The following AP2A2 variants were observed in gnomAD, a reference collection of about 807,000 sequenced individuals.
AP2A2 encodes adaptor related protein complex 2 subunit alpha 2.
Under a neutral mutation model 104.2 loss-of-function variants are expected in AP2A2, and 32 were observed. The ratio of observed to expected loss-of-function variants is 0.31; its 90% CI spans 0.23 to 0.41. The LOEUF (loss-of-function observed/expected upper bound fraction) is 0.41, where lower values mean the gene tolerates loss of function less well. AP2A2 is among the 10% of genes least tolerant of loss of function. AP2A2 has a pLI of 1.00. For missense variants in AP2A2, 912 were observed against 1,261.0 expected, an observed-to-expected ratio of 0.72 and a Z score of 4.19; for synonymous variants, 539 against 533.3, an observed-to-expected ratio of 1.01 and a Z score of -0.15.
intron 5 of AP2A2, among the ~76,000 whole-genome samples, chr11:979,336 C>G (rs1471584475): frequency 6.6e-6 from 1 of 151,514 alleles, no homozygotes; most frequent in Non-Finnish European, 1.5e-5. Context: ...CTTACAAGTT[C>G]TTTATTGGAC....
chr11:948,557 T>C (rs755354279), intron 1 of AP2A2: 1 of 152,192 alleles, frequency 6.6e-6, no homozygotes, highest in Non-Finnish European at 1.5e-5. Context: ...AGTAAATAGA[T>C]TGAATTAATA....
chr11:965,650 C>T (rs1027785350), intron 2 of AP2A2, among the ~76,000 whole-genome samples: 1 of 152,208 alleles, frequency 6.6e-6, no homozygotes, highest in South Asian at 2.1e-4. Flanking sequence ...GCAGGCCCGT[C>T]CAGATCTGAC....
In AP2A2 at chr11:959,520, C is replaced by G; in HGVS notation, c.136+15C>G. On this transcript the variant is annotated intron_variant, in intron 2 of 21. Coordinates refer to ENST00000448903, the MANE Select transcript of AP2A2 (RefSeq NM_012305.4). ...AAAATTTAAAGGTAAGTATGTTTAA[C>G]CTTTTCCATGAAATGTCCTGTTGTA... The G allele has an allele frequency of 6.7e-7, 1 of 1,502,942 alleles. No individual in the cohort carries two copies. The highest frequency in any genetic ancestry group is 9.2e-7 in the Non-Finnish European group (1 of 1,090,886). The allele number at this position is 1,502,942 out of a possible 1,614,324, so 93.1% of individuals were successfully genotyped here.
In AP2A2 at chr11:1,011,410, G is replaced by A. The variant is rs548039988; in HGVS notation, c.*785G>A. On this transcript the variant is annotated 3_prime_UTR_variant, in exon 22 of 22. Coordinates refer to ENST00000448903, the MANE Select transcript of AP2A2 (RefSeq NM_012305.4). ...GTGTGCTCGTCTCTTTCCTGTCAGAGTGGGCGTCCCCAGGCCACGGTGCAG... is the reference window on the plus strand; with the variant it reads ...GTGTGCTCGTCTCTTTCCTGTCAGAATGGGCGTCCCCAGGCCACGGTGCAG... 3 of 511,428 alleles carry A rather than the reference G, an allele frequency of 5.9e-6. No individual in the cohort carries two copies. The highest frequency in any genetic ancestry group is 2.8e-5 in the South Asian group (2 of 70,664). The allele number at this position is 511,428 out of a possible 1,614,324, so 31.7% of individuals were successfully genotyped here.
At chr11:932,451 A>G (rs1227855406) in intron 1 of AP2A2, among the ~76,000 whole-genome samples, 1 of 152,250 alleles carries the variant, frequency 6.6e-6, no homozygotes, top group African/African-American at 2.4e-5. Context: ...CGTGCAGACG[A>G]GTGAAGATCA....
At chr11:928,647 C>T (rs1047173065) in intron 1 of AP2A2, among the ~76,000 whole-genome samples, 2 of 152,238 alleles carry the variant, frequency 1.3e-5, no homozygotes, top group African/African-American at 4.8e-5. Context: ...GACAAATGTG[C>T]CCTTAGGGCA....
At chr11:926,401 G>A (rs1853123346) in intron 1 of AP2A2, among the ~76,000 whole-genome samples, 1 of 151,160 alleles carries the variant, frequency 6.6e-6, no homozygotes, top group African/African-American at 2.4e-5. Context: ...GGGTGTCCAG[G>A]GTCTAGGGGT....
intron 1 of AP2A2, among the ~76,000 whole-genome samples, chr11:938,769 C>T (rs561698867): frequency 9.8e-4 from 149 of 152,078 alleles, no homozygotes; most frequent in African/African-American, 2.3e-3. Flanking sequence ...CCGCTGTGCC[C>T]GGCCCAAATG....
At position 1,011,339 on chromosome 11, in the gene AP2A2, CCAGGA is replaced by C; in HGVS notation, c.*716_*720del. 1.9e-6 allele frequency: 1 copy of C among 518,616 alleles called. No individual in the cohort carries two copies. The highest frequency in any genetic ancestry group is 3.8e-6 in the Non-Finnish European group (1 of 259,778). The allele number at this position is 518,616 out of a possible 1,614,324, so 32.1% of individuals were successfully genotyped here. A position where few individuals can be genotyped will look rare whatever the true frequency, so the allele number is the denominator to read the frequency against. ...GCGTCCTGCCGGCCCCGCAGGGCCC[CCAGGA>C]CTCCAGGGTAAAGTGTGGGCCGGTG... On this transcript the variant is annotated 3_prime_UTR_variant, in exon 22 of 22. Transcript: ENST00000448903.
intron 8 of AP2A2, 38 bp from the exon 9 acceptor site, chr11:986,747 C>A: frequency 6.2e-7 from 1 of 1,602,448 alleles, no homozygotes; most frequent in East Asian, 2.2e-5. Flanking sequence ...GTTGCACTTG[C>A]TGAGGAAACC....
rs1222683769 is a variant in AP2A2, at chr11:1,006,628, C to T, written c.2296+11C>T. 2 of 1,604,514 alleles carry T rather than the reference C, an allele frequency of 1.2e-6. No individual in the cohort carries two copies. Among genetic ancestry groups the T allele is most frequent in the East Asian group, 4.5e-5 (2 of 44,834 alleles). On this transcript the variant is annotated intron_variant, in intron 17 of 21. Coordinates refer to ENST00000448903, the MANE Select transcript of AP2A2 (RefSeq NM_012305.4). ...ACGACCTTCAGCCTAATATCCTTGG[C>T]TTCATTGCCCCATGCCCGCAGACAG...
At position 1,011,629 on chromosome 11, in the gene AP2A2, G is replaced by A. The variant is rs762426912; in HGVS notation, c.*1004G>A. The A allele has an allele frequency of 1.0e-5, 4 of 387,340 alleles. No homozygotes were observed. The highest frequency in any genetic ancestry group is 3.1e-5 in the Admixed American group (1 of 31,838). 24.0% of individuals were successfully genotyped at this position (387,340 alleles called of 1,614,324 possible). The stretch of plus-strand genomic sequence containing the variant: ...ACCTGAGAGGCGAGAGAGTGGGGCC[G>A]GCCTAGGAGCCAAGGCTGGGGCCTT... On this transcript the variant is annotated 3_prime_UTR_variant, in exon 22 of 22. Transcript: ENST00000448903.
At chr11:946,229 G>A (rs966595785) in intron 1 of AP2A2, among the ~76,000 whole-genome samples, 22 of 152,106 alleles carry the variant, frequency 1.4e-4, no homozygotes, top group African/African-American at 5.3e-4. Context: ...CCCCAGCTCC[G>A]TGGTAACCAT....
chr11:927,559 T>C (rs1853160615), intron 1 of AP2A2, among the ~76,000 whole-genome samples: 1 of 149,974 alleles, frequency 6.7e-6, no homozygotes. Flanking sequence ...CTCAAACCTA[T>C]AGTCCCAGCA....
In AP2A2 at chr11:985,272, C is replaced by T. The variant is rs114176534; in HGVS notation, c.815-163C>T. On this transcript the variant is annotated intron_variant, in intron 7 of 21. Coordinates refer to ENST00000448903, the MANE Select transcript of AP2A2 (RefSeq NM_012305.4). The stretch of plus-strand genomic sequence containing the variant: ...TGCTGGGATTACAGAAGTGAGCCAC[C>T]GTGCCCGGCCTGTCTCAGTTTTGTA... 1,841 of 927,644 alleles carry T rather than the reference C, an allele frequency of 2.0e-3. 33 individuals carry two copies. The African/African-American group carries it at 0.028, about 14-fold the overall frequency. The allele number at this position is 927,644 out of a possible 1,614,324, so 57.5% of individuals were successfully genotyped here.
chr11:1,009,077 T>TCTG (rs763435927), intron 18 of AP2A2, 23 bp from the exon 19 acceptor site: 83 of 1,579,320 alleles, frequency 5.3e-5, no homozygotes, highest in Non-Finnish European at 6.6e-5. Flanking sequence ...ACTGTCTCTT[T>TCTG]CTGCTGCTGC....
intron 1 of AP2A2, among the ~76,000 whole-genome samples, chr11:950,340 C>T (rs1453319796): frequency 7.5e-5 from 10 of 133,186 alleles, no homozygotes; most frequent in Admixed American, 1.6e-4. Context: ...GACAGAGTTT[C>T]GCTCTGTCAC....
intron 6 of AP2A2, 126 bp downstream of exon 6, chr11:981,425 C>T: frequency 1.3e-6 from 1 of 790,500 alleles, no homozygotes. Flanking sequence ...ACCAACTTGG[C>T]TTCTCTGTCA....
At chr11:949,006 C>T (rs1006466638) in intron 1 of AP2A2, among the ~76,000 whole-genome samples, 12 of 149,494 alleles carry the variant, frequency 8.0e-5, no homozygotes, top group African/African-American at 3.0e-4. Context: ...AATACCAGTC[C>T]TGGCCGGGTG....
Sources: allele counts gnomAD v4.1 joint callset (sites outside exome capture counted in the v4.1 genomes callset), GRCh38; gene constraint gnomAD v4.1.1; transcripts MANE v1.5; gene names NCBI Gene and HGNC (gene_info 2026-07-23, HGNC 2026-07-21).